Variants in KANK4 observed in about 807,000 individuals in gnomAD.
The protein encoded by KANK4 is KN motif and ankyrin repeat domains 4, also known as KN motif and ankyrin repeat domain-containing protein 4.
Under a neutral mutation model 80.8 loss-of-function variants are expected in KANK4, and 50 were observed. The observed-to-expected ratio is 0.62, with a 90% CI of 0.49 to 0.78. The LOEUF (loss-of-function observed/expected upper bound fraction) is 0.78, where lower values mean the gene tolerates loss of function less well. KANK4 is among the 30% of genes least tolerant of loss of function. The pLI is 0.00. For missense variants in KANK4, 1,196 were observed against 1,240.1 expected (o/e 0.96, Z 0.53); for synonymous variants, 465 against 506.9 (o/e 0.92, Z 1.11).
At chr1:62,316,147 G>A (rs1255302755) in intron 1 of KANK4, among the ~76,000 whole-genome samples, 1 of 152,240 alleles carries the variant, frequency 6.6e-6, no homozygotes, top group Non-Finnish European at 1.5e-5. Flanking sequence ...GGTCCACCAA[G>A]GGCGTCCCCC....
intron 9 of KANK4, among the ~76,000 whole-genome samples, chr1:62,241,910 C>T (rs555023718): frequency 6.6e-6 from 1 of 152,274 alleles, no homozygotes; most frequent in Admixed American, 6.5e-5. Context: ...TAACAGGGTC[C>T]ATCTGGAGGA....
At chr1:62,260,195 T>C (rs1346853193) in intron 7 of KANK4, among the ~76,000 whole-genome samples, 2 of 152,300 alleles carry the variant, frequency 1.3e-5, no homozygotes, top group South Asian at 2.1e-4. Context: ...TGCCCTCACC[T>C]GCCTCCGCTG....
At chr1:62,279,198 G>GCGCGCGCGCACACA (rs1282615199) in intron 2 of KANK4, among the ~76,000 whole-genome samples, 21 of 146,176 alleles carry the variant, frequency 1.4e-4, no homozygotes, top group African/African-American at 5.1e-4. Flanking sequence ...GCTAGCGCGC[G>GCGCGCGCGCACACA]CACACACACA....
intron 8 of KANK4, among the ~76,000 whole-genome samples, chr1:62,249,833 G>A (rs549038694): frequency 1.1e-4 from 16 of 151,752 alleles, no homozygotes; most frequent in African/African-American, 3.4e-4. Context: ...ATGAGCCACC[G>A]CACCCAGCAC....
intron 1 of KANK4, among the ~76,000 whole-genome samples, chr1:62,296,179 C>T (rs1486640676): frequency 1.3e-5 from 2 of 152,178 alleles, no homozygotes; most frequent in Non-Finnish European, 2.9e-5. Context: ...TAGCACGAAG[C>T]AAAAGTCTTA....
intron 8 of KANK4, among the ~76,000 whole-genome samples, chr1:62,250,178 G>A (rs1404458573): frequency 6.6e-6 from 1 of 151,744 alleles, no homozygotes; most frequent in Non-Finnish European, 1.5e-5. Context: ...AGTAGAGATA[G>A]GGTTTCACCA....
At chr1:62,240,085 A>G (rs1671302531) in intron 9 of KANK4, among the ~76,000 whole-genome samples, 1 of 152,230 alleles carries the variant, frequency 6.6e-6, no homozygotes, top group African/African-American at 2.4e-5. Flanking sequence ...CTGAGGAATC[A>G]CCGCACTGTC....
chr1:62,308,146 G>A (rs892838677), intron 1 of KANK4, among the ~76,000 whole-genome samples: 1 of 152,162 alleles, frequency 6.6e-6, no homozygotes, highest in Non-Finnish European at 1.5e-5. Context: ...TTTGCTCCTG[G>A]TCTCTAGCGC....
At chr1:62,280,943 G>A (rs553473636) in intron 2 of KANK4, among the ~76,000 whole-genome samples, 2,868 of 152,264 alleles carry the variant, frequency 0.019, 89 homozygotes, top group African/African-American at 0.065. Context: ...GCAGAGACTG[G>A]AACATTATCT....
rs537704641 is a variant in KANK4 at position 62,237,248 on chromosome 1, T to C, written c.*1029A>G. On this transcript the variant is annotated 3_prime_UTR_variant, in exon 10 of 10. Transcript: ENST00000371153. ...TTGCATGTGCTGGCCCCAGGGAATA[T>C]GGAAGCTTCGGAAGGTATTGCTCTG... 1 of 151,424 alleles carries C rather than the reference T, an allele frequency of 6.6e-6. No homozygotes were observed. Among genetic ancestry groups the C allele is most frequent in the South Asian group, 2.1e-4 (1 of 4,736 alleles). 9.4% of individuals were successfully genotyped at this position (151,424 alleles called of 1,614,324 possible). A position where few individuals can be genotyped will look rare whatever the true frequency, so the allele number is the denominator to read the frequency against.
chr1:62,266,751 G>A lies in KANK4; in HGVS notation c.2300C>T (p.Thr767Ile). 3 of 1,610,330 alleles carry A rather than the reference G, an allele frequency of 1.9e-6. No individual in the cohort carries two copies. The highest frequency in any genetic ancestry group is 2.5e-6 in the Non-Finnish European group (3 of 1,176,566). Residue 767 changes from threonine (T) to isoleucine (I), a missense_variant, in exon 6 of 10, where the codon ACC (threonine) becomes ATC (isoleucine). Thr to Ile is a moderately conservative substitution (Grantham distance 89). Transcript: ENST00000371153. ...GAGTACCAAGAGCTGGTCTGTGGTG[G>A]TCCCAGTTTCTGGCAGATGCTGGCT... ...ALSQHLPETG[T>I]TTDQLLRQSL...
chr1:62,313,135 T>C (rs566815361), intron 1 of KANK4, among the ~76,000 whole-genome samples: 2 of 152,350 alleles, frequency 1.3e-5, no homozygotes, highest in African/African-American at 4.8e-5. Flanking sequence ...TTGTCTTTTG[T>C]TATTGTTGTT....
At chr1:62,253,977 C>G (rs960482667) in intron 7 of KANK4, among the ~76,000 whole-genome samples, 1 of 152,174 alleles carries the variant, frequency 6.6e-6, no homozygotes, top group African/African-American at 2.4e-5. Context: ...GGAATGCCAC[C>G]CACGGCTGTG....
intron 9 of KANK4, among the ~76,000 whole-genome samples, chr1:62,243,066 A>G (rs1347996572): frequency 6.6e-6 from 1 of 152,116 alleles, no homozygotes; most frequent in Non-Finnish European, 1.5e-5. Flanking sequence ...CATTACCTGC[A>G]CTACCTGGGC....
chr1:62,273,145 C>A (rs1254858023), intron 3 of KANK4, 59 bp downstream of exon 3: 14 of 1,221,364 alleles, frequency 1.1e-5, no homozygotes, highest in Admixed American at 4.9e-5. Flanking sequence ...TTCCCTCTGC[C>A]TTATCATGTG....
At chr1:62,297,621 C>T (rs1021788154) in intron 1 of KANK4, among the ~76,000 whole-genome samples, 4 of 152,158 alleles carry the variant, frequency 2.6e-5, no homozygotes, top group Non-Finnish European at 5.9e-5. Flanking sequence ...TAAATTCCAC[C>T]ACCAGCCATG....
At chr1:62,288,524 A>G (rs1672616069) in intron 1 of KANK4, among the ~76,000 whole-genome samples, 1 of 151,890 alleles carries the variant, frequency 6.6e-6, no homozygotes, top group Non-Finnish European at 1.5e-5. Context: ...CAGACTGGTC[A>G]CAGACACAGT....
intron 1 of KANK4, among the ~76,000 whole-genome samples, chr1:62,318,296 T>C (rs919900983): frequency 2.6e-5 from 4 of 152,340 alleles, no homozygotes; most frequent in Middle Eastern, 3.4e-3. Flanking sequence ...GACTTGAGTT[T>C]GGCAGCCCCG....
chr1:62,284,698 C>T (rs1672524142), intron 1 of KANK4, among the ~76,000 whole-genome samples: 1 of 152,178 alleles, frequency 6.6e-6, no homozygotes, highest in Admixed American at 6.6e-5. Context: ...TATTACGTTA[C>T]TTTTCATTTG....
Sources: allele counts gnomAD v4.1 joint callset (sites outside exome capture counted in the v4.1 genomes callset), GRCh38; gene constraint gnomAD v4.1.1; transcripts MANE v1.5; gene names NCBI Gene and HGNC (gene_info 2026-07-23, HGNC 2026-07-21).